Variants in LRP1B observed in about 807,000 individuals in gnomAD.
The protein encoded by LRP1B is LDL receptor related protein 1B.
LRP1B carries 217 observed loss-of-function variants against 556.6 expected under a neutral mutation model. The ratio of observed to expected loss-of-function variants is 0.39; its 90% CI spans 0.35 to 0.44. LRP1B has a LOEUF of 0.44. LRP1B is among the 20% of genes least tolerant of loss of function. The pLI, the probability that LRP1B is intolerant of heterozygous loss-of-function variation, is 1.00. For missense variants in LRP1B, 5,053 were observed against 5,620.8 expected (o/e 0.90, Z 3.23); for synonymous variants, 2,047 against 1,865.8 (o/e 1.10, Z -2.50).
chr2:140,504,086 T>C (rs1437077545), intron 53 of LRP1B, among the ~76,000 whole-genome samples: 1 of 152,100 alleles, frequency 6.6e-6, no homozygotes, highest in Admixed American at 6.6e-5. Flanking sequence ...TATACACCTC[T>C]TATCAGCACA....
chr2:141,846,793 T>C, intron 1 of LRP1B, among the ~76,000 whole-genome samples: 1 of 151,240 alleles, frequency 6.6e-6, no homozygotes, highest in East Asian at 1.9e-4. Context: ...TATCTTTTAA[T>C]AAAAAAAATA....
At chr2:141,317,782 A>C (rs1687086868) in intron 3 of LRP1B, among the ~76,000 whole-genome samples, 1 of 152,140 alleles carries the variant, frequency 6.6e-6, no homozygotes, top group Non-Finnish European at 1.5e-5. Flanking sequence ...TTGTACAGAA[A>C]GTTTGTTGTG....
At chr2:142,086,175 G>A (rs1342388253) in intron 1 of LRP1B, among the ~76,000 whole-genome samples, 6 of 152,146 alleles carry the variant, frequency 3.9e-5, no homozygotes, top group Non-Finnish European at 8.8e-5. Context: ...GCGAAAATGT[G>A]TTGCTATTAG....
intron 3 of LRP1B, among the ~76,000 whole-genome samples, chr2:141,332,516 A>G (rs1486627364): frequency 1.3e-5 from 2 of 151,774 alleles, no homozygotes; most frequent in African/African-American, 4.8e-5. Flanking sequence ...AAAATAAAGC[A>G]TTGTATAAAG....
intron 3 of LRP1B, among the ~76,000 whole-genome samples, chr2:141,438,026 A>G (rs1011151541): frequency 1.3e-5 from 2 of 152,134 alleles, no homozygotes; most frequent in African/African-American, 4.8e-5. Context: ...TGCATTGACT[A>G]TATAACATTT....
At chr2:141,027,461 A>T (rs1157166422) in intron 11 of LRP1B, among the ~76,000 whole-genome samples, 1 of 152,122 alleles carries the variant, frequency 6.6e-6, no homozygotes, top group Non-Finnish European at 1.5e-5. Context: ...CAATGTAGAG[A>T]TTTAACAAAT....
At chr2:141,177,695 CA>C (rs1371069996) in intron 7 of LRP1B, among the ~76,000 whole-genome samples, 2 of 151,962 alleles carry the variant, frequency 1.3e-5, no homozygotes, top group Non-Finnish European at 2.9e-5. Context: ...AGAACAAGTC[CA>C]AAACTGGGGA....
intron 7 of LRP1B, among the ~76,000 whole-genome samples, chr2:141,088,284 G>C (rs1026321949): frequency 6.6e-6 from 1 of 152,088 alleles, no homozygotes; most frequent in Non-Finnish European, 1.5e-5. Flanking sequence ...CTAAAGAAGA[G>C]CTTTCCCTTG....
At chr2:140,808,721 A>G (rs1690815457) in intron 32 of LRP1B, among the ~76,000 whole-genome samples, 1 of 152,220 alleles carries the variant, frequency 6.6e-6, no homozygotes, top group Non-Finnish European at 1.5e-5. Context: ...GAATGAAAGA[A>G]TGAATGGCAA....
chr2:140,444,211 G>T, intron 65 of LRP1B, 119 bp downstream of exon 65: 5 of 1,062,848 alleles, frequency 4.7e-6, no homozygotes, highest in South Asian at 1.9e-5. Flanking sequence ...CTAATTATTT[G>T]ACCATAATTT....
chr2:140,447,602 G>T (rs1686716661), intron 63 of LRP1B, among the ~76,000 whole-genome samples: 1 of 152,044 alleles, frequency 6.6e-6, no homozygotes, highest in South Asian at 2.1e-4. Context: ...CTTCACATTA[G>T]CAAGAAGGCA....
At chr2:141,086,880 T>C (rs971422339) in intron 7 of LRP1B, among the ~76,000 whole-genome samples, 6 of 152,098 alleles carry the variant, frequency 3.9e-5, no homozygotes, top group South Asian at 2.1e-4. Context: ...CACCAGAAGA[T>C]TGCTTATTGC....
chr2:140,546,751 C>T (rs113937789), intron 43 of LRP1B, among the ~76,000 whole-genome samples: 8 of 152,112 alleles, frequency 5.3e-5, no homozygotes, highest in South Asian at 4.2e-4. Flanking sequence ...GATTTTCAAT[C>T]GGAATGCTTC....
Position 140,978,951 on chromosome 2 carries a change from G to C in LRP1B, c.2887+3209C>G, listed in dbSNP as rs183643716. Among the ~76,000 whole-genome samples the C allele has an allele frequency of 9.5e-4, 144 of 152,134 alleles. 4 individuals are homozygous for C. Among genetic ancestry groups the C allele is most frequent in the African/African-American group, 3.4e-3 (142 of 41,496 alleles). On this transcript the variant is annotated intron_variant, in intron 18 of 90. Transcript: ENST00000389484. ...GTTCATATCCAGTTGTGTGCTGCAG[G>C]CCTCTTGTACCAGCTTTTGAGAGCT... is the stretch of plus-strand genomic sequence containing the variant.
chr2:141,848,419 T>G (rs567139955), intron 1 of LRP1B, among the ~76,000 whole-genome samples: 7 of 151,494 alleles, frequency 4.6e-5, no homozygotes, highest in African/African-American at 1.7e-4. Flanking sequence ...AGAAAACTAC[T>G]CATCATAACA....
At chr2:141,688,498 C>T (rs925376298) in intron 2 of LRP1B, among the ~76,000 whole-genome samples, 2 of 151,892 alleles carry the variant, frequency 1.3e-5, no homozygotes, top group Middle Eastern at 6.8e-3. Context: ...AATAGTGCTA[C>T]AGAAATATGA....
At position 141,645,706 on chromosome 2, in the gene LRP1B, T is replaced by A. The variant is rs748965929; in HGVS notation, c.205+164573A>T. 5.9e-5 allele frequency among the ~76,000 whole-genome samples: 9 copies of A among 152,056 alleles called. No individual in the cohort carries two copies. In the East Asian group the frequency reaches 1.7e-3, roughly 29 times the overall value. On this transcript the variant is annotated intron_variant, in intron 2 of 90. Coordinates refer to ENST00000389484, the MANE Select transcript of LRP1B (RefSeq NM_018557.3). ...GTATACTATGTATGGGTTTCATAGA[T>A]AAGTCCTTAGAGACTGGGTCTTAAA...
chr2:141,759,458 G>A (rs555821283), intron 2 of LRP1B, among the ~76,000 whole-genome samples: 1 of 152,228 alleles, frequency 6.6e-6, no homozygotes, highest in Admixed American at 6.5e-5. Flanking sequence ...TAGGGATAGG[G>A]AATGCAACTT....
chr2:140,349,581 T>G (rs995012188), intron 77 of LRP1B, among the ~76,000 whole-genome samples: 2 of 151,998 alleles, frequency 1.3e-5, no homozygotes, highest in Non-Finnish European at 2.9e-5. Flanking sequence ...GAATCATCAC[T>G]AGAACCTCTT....
Sources: gnomAD v4.1 joint callset for allele counts (sites outside exome capture counted in the v4.1 genomes callset) on GRCh38, gnomAD v4.1.1 for gene constraint, MANE v1.5 for transcripts, NCBI Gene and HGNC (gene_info 2026-07-23, HGNC 2026-07-21) for gene names.